The following LRATD1 variants were observed in gnomAD, a reference collection of about 807,000 sequenced individuals.
LRATD1 encodes LRAT domain containing 1.
Under a neutral mutation model 21.3 loss-of-function variants are expected in LRATD1, and 8 were observed. The observed-to-expected ratio is 0.38, with a 90% CI of 0.22 to 0.68. LRATD1 has a LOEUF of 0.68. LRATD1 is among the 30% of genes least tolerant of loss of function. The probability of loss-of-function intolerance (pLI) is 0.54; values close to 1 mark genes in which losing one functional copy is unlikely to be tolerated. For synonymous variants in LRATD1, 210 were observed against 186.2 expected, an observed-to-expected ratio of 1.13 and a Z score of -1.04; for missense variants, 380 against 404.0, an observed-to-expected ratio of 0.94 and a Z score of 0.51.
At chr2:14,648,358 G>T (rs1671931280) in intron 4 of LRATD1, among the ~76,000 whole-genome samples, 5 of 152,056 alleles carry the variant, frequency 3.3e-5, no homozygotes, top group Admixed American at 2.0e-4. Context: ...TGCCACGATA[G>T]AAATAATACT....
In LRATD1 at chr2:14,639,935, C is replaced by T. The variant is rs1020549431; in HGVS notation, c.*5077C>T. 3.0e-5 allele frequency: 5 copies of T among 167,072 alleles called. No homozygotes were observed. Among genetic ancestry groups the T allele is most frequent in the African/African-American group, 2.4e-5 (1 of 41,458 alleles). 10.3% of individuals were successfully genotyped at this position (167,072 alleles called of 1,614,324 possible). ...CAGGTTCTTTCCACCACAAAAGGCTCTTGGAAATATAACTTATGGGGCTTA... is the reference window on the plus strand; with the variant it reads ...CAGGTTCTTTCCACCACAAAAGGCTTTTGGAAATATAACTTATGGGGCTTA... On this transcript the variant is annotated 3_prime_UTR_variant, in exon 2 of 2. Coordinates refer to ENST00000295092, the MANE Select transcript of LRATD1 (RefSeq NM_145175.4).
chr2:14,638,065 A>G lies in LRATD1; in HGVS notation c.*3207A>G, dbSNP rs1279303459. 1 of 166,974 alleles carries G rather than the reference A, an allele frequency of 6.0e-6. No individual in the cohort carries two copies. The highest frequency in any genetic ancestry group is 1.5e-5 in the Non-Finnish European group (1 of 68,090). The allele number at this position is 166,974 out of a possible 1,614,324, so 10.3% of individuals were successfully genotyped here. ...GGTAAAACAAACTATGATTTAAAAA[A>G]AGAAAAAAGAAAAGACAGGTACTTT... On this transcript the variant is annotated 3_prime_UTR_variant, in exon 2 of 2. Transcript: ENST00000295092.
At position 14,637,472 on chromosome 2, in the gene LRATD1, C is replaced by A. The variant is rs1022620757; in HGVS notation, c.*2614C>A. 6.0e-6 allele frequency: 1 copy of A among 166,886 alleles called. No individual in the cohort carries two copies. The highest frequency in any genetic ancestry group is 1.5e-5 in the Non-Finnish European group (1 of 68,102). 10.3% of individuals were successfully genotyped at this position (166,886 alleles called of 1,614,324 possible). ...TGGGCAGTTAAATTAGCATTTGTTA[C>A]TATATTGGCCTATAAAGGATCAGGT... On this transcript the variant is annotated 3_prime_UTR_variant, in exon 2 of 2. Coordinates refer to ENST00000295092, the MANE Select transcript of LRATD1 (RefSeq NM_145175.4).
rs887811304 is a variant in LRATD1 at position 14,633,781 on chromosome 2, C to T, written c.-36-163C>T. 2.9e-6 allele frequency: 2 copies of T among 683,804 alleles called. No homozygotes were observed. Among genetic ancestry groups the T allele is most frequent in the South Asian group, 2.0e-5 (1 of 49,406 alleles). The allele number at this position is 683,804 out of a possible 1,614,324, so 42.4% of individuals were successfully genotyped here. Reference sequence around the variant, plus strand: ...GACCTGTGGCGGCTTCTCCGCCCCTCGTACCCCTGGGGAGGCACGGAGGAC... The same window carrying T: ...GACCTGTGGCGGCTTCTCCGCCCCTTGTACCCCTGGGGAGGCACGGAGGAC... On this transcript the variant is annotated intron_variant, in intron 1 of 1. Coordinates refer to ENST00000295092, the MANE Select transcript of LRATD1 (RefSeq NM_145175.4). This position sits in a 1 kb window ranked among gnomAD's most constrained non-coding sequence, Gnocchi z 7.5.
downstream of LRATD1, chr2:14,650,723 CTTAT>C (rs1671990575): frequency 6.6e-6 from 1 of 152,184 alleles, no homozygotes; most frequent in African/African-American, 2.4e-5. Flanking sequence ...TATGCCATGG[CTTAT>C]TTAATCACTG....
At chr2:14,644,765 G>C (rs1196948033), downstream of LRATD1, among the ~76,000 whole-genome samples, 3 of 152,024 alleles carry the variant, frequency 2.0e-5, no homozygotes, top group Non-Finnish European at 4.4e-5. Flanking sequence ...GAGAGAGGCC[G>C]AGCTGATAGA....
Position 14,633,859 on chromosome 2 carries a change from CA to C in LRATD1, c.-36-84del. ...GGCACGTAAGCTAGCCGGCAGGTCC[CA>C]GGGGCACTGCACGTCTTGGGGAGGG... is the stretch of plus-strand genomic sequence containing the variant. On this transcript the variant is annotated intron_variant, in intron 1 of 1. Transcript: ENST00000295092. This position sits in a 1 kb window ranked among gnomAD's most constrained non-coding sequence, Gnocchi z 7.5. The C allele has an allele frequency of 3.0e-6, 4 of 1,329,870 alleles. No homozygotes were observed. The highest frequency in any genetic ancestry group is 2.6e-4 in the Middle Eastern group (1 of 3,892). The allele number at this position is 1,329,870 out of a possible 1,614,324, so 82.4% of individuals were successfully genotyped here. A position where few individuals can be genotyped will look rare whatever the true frequency, so the allele number is the denominator to read the frequency against.
In LRATD1 at chr2:14,635,387, C is replaced by A. The variant is rs773355341; in HGVS notation, c.*529C>A. 2.1e-6 allele frequency: 1 copy of A among 472,714 alleles called. No individual in the cohort carries two copies. The allele number at this position is 472,714 out of a possible 1,614,324, so 29.3% of individuals were successfully genotyped here. Reference sequence around the variant, plus strand: ...CAAGAAATCGAGCCTGTCCCTTGTGCACTTGGGAATAATTCCCCAAGACAG... The same window carrying A: ...CAAGAAATCGAGCCTGTCCCTTGTGAACTTGGGAATAATTCCCCAAGACAG... On this transcript the variant is annotated 3_prime_UTR_variant, in exon 2 of 2. Coordinates refer to ENST00000295092, the MANE Select transcript of LRATD1 (RefSeq NM_145175.4).
rs1030438993 is a variant in LRATD1 at position 14,634,936 on chromosome 2, A to G, written c.*78A>G. ...TTCCCCGCACCCGGACTTCGCAGTC[A>G]GCGGTTCTCAACCTCTGCCCCGCCC... On this transcript the variant is annotated 3_prime_UTR_variant, in exon 2 of 2. Transcript: ENST00000295092. 4 of 1,491,512 alleles carry G rather than the reference A, an allele frequency of 2.7e-6. No homozygotes were observed. In the African/African-American group the frequency reaches 4.2e-5, roughly 16 times the overall value. The allele number at this position is 1,491,512 out of a possible 1,614,324, so 92.4% of individuals were successfully genotyped here. A position where few individuals can be genotyped will look rare whatever the true frequency, so the allele number is the denominator to read the frequency against.
In LRATD1 at chr2:14,634,986, GCC is replaced by G; in HGVS notation, c.*130_*131del. The G allele has an allele frequency of 8.0e-7, 1 of 1,252,118 alleles. No individual in the cohort carries two copies. Among genetic ancestry groups the G allele is most frequent in the Non-Finnish European group, 1.1e-6 (1 of 904,586 alleles). The allele number at this position is 1,252,118 out of a possible 1,614,324, so 77.6% of individuals were successfully genotyped here. ...CCGCCACGCGCGTCCGCCGCCGGTG[GCC>G]CGGGCCCGGGCTGCACCCCCGCATC... is the stretch of plus-strand genomic sequence containing the variant. On this transcript the variant is annotated 3_prime_UTR_variant, in exon 2 of 2. Transcript: ENST00000295092.
chr2:14,634,889 C>G lies in LRATD1; in HGVS notation c.*31C>G, dbSNP rs757745054. ...TAGGGGCTGCCGGCCCCTCTGCCTC[C>G]CCCGCACCTCGCTCCCTTCCCTTCC... On this transcript the variant is annotated 3_prime_UTR_variant, in exon 2 of 2. Coordinates refer to ENST00000295092, the MANE Select transcript of LRATD1 (RefSeq NM_145175.4). 1.9e-6 allele frequency: 3 copies of G among 1,590,308 alleles called. No homozygotes were observed. The East Asian group carries it at 6.8e-5, about 36-fold the overall frequency.
chr2:14,649,630 C>T, exon 6 of LRATD1: 3 of 307,026 alleles, frequency 9.8e-6, no homozygotes. Context: ...ATGAAGGAAA[C>T]TCCAGTGGTT....
At chr2:14,643,432 G>A (rs961179911), downstream of LRATD1, among the ~76,000 whole-genome samples, 5 of 152,110 alleles carry the variant, frequency 3.3e-5, no homozygotes, top group Admixed American at 2.0e-4. Context: ...AGTCTGTCCG[G>A]TACTCCCCTC....
At chr2:14,640,860 A>G (rs1012721662), downstream of LRATD1, among the ~76,000 whole-genome samples, 1 of 152,160 alleles carries the variant, frequency 6.6e-6, no homozygotes, top group Non-Finnish European at 1.5e-5. Flanking sequence ...TTCACTTCTC[A>G]GTGCAAGTGT....
At position 14,634,671 on chromosome 2, in the gene LRATD1, A is replaced by G. The variant is rs1227737320; in HGVS notation, c.692A>G (p.Glu231Gly). 1 of 1,550,042 alleles carries G rather than the reference A, an allele frequency of 6.5e-7. No individual in the cohort carries two copies. Among genetic ancestry groups the G allele is most frequent in the Non-Finnish European group, 8.7e-7 (1 of 1,146,394 alleles). The change falls in exon 2 of 2, where the codon GAG becomes GGG. Residue 231 changes from glutamate (E) to glycine (G), a missense_variant. Glu to Gly is a moderately conservative substitution (Grantham distance 98, BLOSUM62 -2). Coordinates refer to ENST00000295092, the MANE Select transcript of LRATD1 (RefSeq NM_145175.4). ...AAGCGGGAGTTCAAGGCGGGAGGGG[A>G]GGTGCCGGCAGGCACGCAGCCCCCG... is the stretch of plus-strand genomic sequence containing the variant. ...FGKREFKAGG[E>G]VPAGTQPPQQ...
downstream of LRATD1, among the ~76,000 whole-genome samples, chr2:14,641,181 G>A (rs1302355166): frequency 6.6e-6 from 1 of 152,060 alleles, no homozygotes; most frequent in Non-Finnish European, 1.5e-5. Flanking sequence ...GCGAACTAAG[G>A]ACACACCCCC....
downstream of LRATD1, among the ~76,000 whole-genome samples, chr2:14,644,813 G>GGGGAGCTATA (rs1671868105): frequency 6.6e-6 from 1 of 152,112 alleles, no homozygotes; most frequent in African/African-American, 2.4e-5. Context: ...TGAGGAGCTA[G>GGGGAGCTATA]GGGAGCTATA....
chr2:14,647,530 G>T (rs1235849967), intron 4 of LRATD1, among the ~76,000 whole-genome samples: 1 of 152,054 alleles, frequency 6.6e-6, no homozygotes, highest in African/African-American at 2.4e-5. Flanking sequence ...AACCCCCAAA[G>T]TGATGATATT....
Position 14,633,923 on chromosome 2 carries a change from T to G in LRATD1, c.-36-21T>G. 1 of 1,561,558 alleles carries G rather than the reference T, an allele frequency of 6.4e-7. No homozygotes were observed. The highest frequency in any genetic ancestry group is 8.7e-7 in the Non-Finnish European group (1 of 1,150,084). ...GCAGCCCGGACTCTGACGGTGTCTC[T>G]GCCTCTCTGTGCCTCCGCAGATCCC... On this transcript the variant is annotated intron_variant, in intron 1 of 1. Coordinates refer to ENST00000295092, the MANE Select transcript of LRATD1 (RefSeq NM_145175.4). The surrounding 1 kb of genome is among the most constrained non-coding windows in gnomAD (Gnocchi z 7.5).
Sources: gnomAD v4.1 joint callset for allele counts (sites outside exome capture counted in the v4.1 genomes callset) on GRCh38, gnomAD v4.1.1 for gene constraint, Gnocchi (gnomAD v3.1) non-coding constraint, MANE v1.5 for transcripts, NCBI Gene and HGNC (gene_info 2026-07-23, HGNC 2026-07-21) for gene names.